PCDHA11: variants seen among roughly 807,000 people sequenced by gnomAD.
The protein encoded by PCDHA11 is protocadherin alpha 11, also known as protocadherin alpha-11.
In PCDHA11, 61 loss-of-function variants were observed where a neutral mutation model predicts 70.3. That is an observed-to-expected ratio of 0.87 (90% CI 0.71 to 1.07). PCDHA11 has a LOEUF of 1.07. PCDHA11 is among the 50% of genes least tolerant of loss of function. PCDHA11 has a pLI of 0.00. For synonymous variants in PCDHA11, 633 were observed against 555.1 expected (o/e 1.14, Z -1.97); for missense variants, 1,324 against 1,237.5 (o/e 1.07, Z -1.05).
intron 1 of PCDHA11, among the ~76,000 whole-genome samples, chr5:140,946,411 A>G (rs1554217552): frequency 1.1e-4 from 16 of 151,766 alleles, no homozygotes. Context: ...ATCATAGAAA[A>G]CAATATGGAG....
Position 140,871,292 on chromosome 5 carries a change from C to G in PCDHA11, c.2189C>G (p.Ala730Gly). The G allele has an allele frequency of 1.2e-6, 2 of 1,613,890 alleles. No individual in the cohort carries two copies. Among genetic ancestry groups the G allele is most frequent in the Non-Finnish European group, 8.5e-7 (1 of 1,179,924 alleles). Residue 730 changes from alanine (A) to glycine (G), a missense_variant, in exon 1 of 4, where the codon GCG becomes GGG. Physicochemically the swap from Ala to Gly is moderately conservative, Grantham distance 60. Coordinates refer to ENST00000398640, the MANE Select transcript of PCDHA11 (RefSeq NM_018902.5). ...TGGTCGGCAACGCCCACTGAGGGCGCGTGCGCGCCGGGGAAGCCCACGCTG... is the reference window on the plus strand; with the variant it reads ...TGGTCGGCAACGCCCACTGAGGGCGGGTGCGCGCCGGGGAAGCCCACGCTG... ...LWWSATPTEG[A>G]CAPGKPTLVC...
At chr5:141,005,650 C>T (rs1262025643) in intron 3 of PCDHA11, among the ~76,000 whole-genome samples, 4 of 126,784 alleles carry the variant, frequency 3.2e-5, no homozygotes, top group African/African-American at 9.3e-5. Context: ...TGCAGTGAGT[C>T]GAGATCGCGC....
chr5:140,990,148 A>T (rs1236453414), intron 3 of PCDHA11, among the ~76,000 whole-genome samples: 1 of 152,146 alleles, frequency 6.6e-6, no homozygotes, highest in African/African-American at 2.4e-5. Flanking sequence ...AGGCATAATA[A>T]TAGAAAGTTA....
intron 3 of PCDHA11, among the ~76,000 whole-genome samples, chr5:141,002,937 C>T (rs2098103358): frequency 6.6e-6 from 1 of 152,232 alleles, no homozygotes; most frequent in Non-Finnish European, 1.5e-5. Context: ...CCAACACCCT[C>T]CAGCACATGC....
At chr5:140,978,909 C>G (rs782321430) in intron 1 of PCDHA11, 40 bp from the exon 2 acceptor site, 2 of 1,613,660 alleles carry the variant, frequency 1.2e-6, no homozygotes, top group South Asian at 2.2e-5. Context: ...AGAACATTGT[C>G]TTGTCATTTT....
chr5:140,929,289 G>C (rs574226775), intron 1 of PCDHA11: 2 of 1,597,364 alleles, frequency 1.3e-6, no homozygotes, highest in African/African-American at 2.7e-5. Flanking sequence ...TTCAGATTCG[G>C]AATAGGAAAG....
intron 1 of PCDHA11, among the ~76,000 whole-genome samples, chr5:140,933,686 C>T (rs186587135): frequency 6.6e-6 from 1 of 151,890 alleles, no homozygotes; most frequent in Non-Finnish European, 1.5e-5. Flanking sequence ...ATTTTTTTTC[C>T]TATTCCTCGG....
rs782258990 is a variant in PCDHA11 at position 140,870,453 on chromosome 5, T to C, written c.1350T>C (p.Asn450=). ...VSVEVADVND[N]APAFAQPEYT... ...TGGAGGTGGCCGACGTGAACGACAATGCGCCTGCGTTCGCACAGCCCGAGT... is the reference window on the plus strand; with the variant it reads ...TGGAGGTGGCCGACGTGAACGACAACGCGCCTGCGTTCGCACAGCCCGAGT... The change falls in exon 1 of 4, where the codon AAT becomes AAC. Residue 450 remains asparagine, a synonymous_variant. Coordinates refer to ENST00000398640, the MANE Select transcript of PCDHA11 (RefSeq NM_018902.5). 10 of 1,614,138 alleles carry C rather than the reference T, an allele frequency of 6.2e-6. No homozygotes were observed. The Admixed American group carries it at 6.7e-5, about 11-fold the overall frequency.
At position 140,969,365 on chromosome 5, in the gene PCDHA11, C is replaced by T. The variant is rs190730712; in HGVS notation, c.2392-9584C>T. The T allele has an allele frequency of 5.3e-5, 86 of 1,610,040 alleles. No homozygotes were observed. The African/African-American group carries it at 9.2e-4, about 17-fold the overall frequency. On this transcript the variant is annotated intron_variant, in intron 1 of 3. Transcript: ENST00000398640. ...GTGGTCAGGGGGTCTTCTACAAACT[C>T]ATGCATTTGTTACACATCCCCCAAT...
intron 1 of PCDHA11, chr5:140,927,419 G>T (rs781883331): frequency 1.9e-6 from 3 of 1,614,140 alleles, no homozygotes; most frequent in South Asian, 2.2e-5. Flanking sequence ...ATGGGATCGC[G>T]GGTTGACGGC....
chr5:140,937,950 T>C (rs1483679576), intron 1 of PCDHA11, among the ~76,000 whole-genome samples: 1 of 152,164 alleles, frequency 6.6e-6, no homozygotes, highest in African/African-American at 2.4e-5. Flanking sequence ...AATTGGCTTT[T>C]GTTGAAAGTA....
At chr5:140,932,247 G>A (rs1463272112) in intron 1 of PCDHA11, among the ~76,000 whole-genome samples, 2 of 151,822 alleles carry the variant, frequency 1.3e-5, no homozygotes, top group Non-Finnish European at 3.0e-5. Context: ...ATCTAAGAGG[G>A]TACCTCTGAG....
At chr5:141,000,412 TATA>T (rs2097919742) in intron 3 of PCDHA11, among the ~76,000 whole-genome samples, 3 of 102,806 alleles carry the variant, frequency 2.9e-5, no homozygotes, top group African/African-American at 7.7e-5. Flanking sequence ...TATATATATA[TATA>T]TATATATTTT....
chr5:140,993,459 TTC>T lies in PCDHA11; in HGVS notation c.2539+10899_2539+10900del, dbSNP rs202191067. Among the ~76,000 whole-genome samples the T allele has an allele frequency of 6.6e-3, 550 of 83,072 alleles. 5 individuals carry two copies. The highest frequency in any genetic ancestry group is 0.016 in the African/African-American group (346 of 21,866). The allele number at this position is 83,072 out of a possible 152,430, so 54.5% of individuals were successfully genotyped here. ...ATTCATTCCTGTTCTCCTTCTTTCTTTCTCACACACACACACACACACACACA... is the reference window on the plus strand; with the variant it reads ...ATTCATTCCTGTTCTCCTTCTTTCTTTCACACACACACACACACACACACA... On this transcript the variant is annotated intron_variant, in intron 3 of 3. Transcript: ENST00000398640.
At chr5:140,976,011 C>A (rs983997714) in intron 1 of PCDHA11, among the ~76,000 whole-genome samples, 10 of 152,230 alleles carry the variant, frequency 6.6e-5, no homozygotes, top group Admixed American at 1.3e-4. Flanking sequence ...TATTAAAGAA[C>A]TAAATAATCA....
intron 1 of PCDHA11, among the ~76,000 whole-genome samples, chr5:140,953,120 C>T (rs2094851215): frequency 6.6e-6 from 1 of 152,154 alleles, no homozygotes; most frequent in South Asian, 2.1e-4. Context: ...GGACACAGAT[C>T]TAAACCGTAT....
intron 1 of PCDHA11, chr5:140,876,095 T>C (rs781801828): frequency 4.3e-6 from 7 of 1,613,928 alleles, no homozygotes; most frequent in Non-Finnish European, 5.9e-6. Context: ...ACGCCAAAAC[T>C]CAATTTATTG....
intron 1 of PCDHA11, chr5:140,877,670 C>A: frequency 6.2e-7 from 1 of 1,613,654 alleles, no homozygotes; most frequent in Non-Finnish European, 8.5e-7. Flanking sequence ...AGCCGGTGCG[C>A]GCCGGGCAAG....
At chr5:140,935,908 T>TG (rs2090628873) in intron 1 of PCDHA11, among the ~76,000 whole-genome samples, 1 of 151,636 alleles carries the variant, frequency 6.6e-6, no homozygotes, top group Non-Finnish European at 1.5e-5. Context: ...TTTTTTTTTT[T>TG]TTGAGACAGA....
Sources: gnomAD v4.1 joint callset for allele counts (sites outside exome capture counted in the v4.1 genomes callset) on GRCh38, gnomAD v4.1.1 for gene constraint, MANE v1.5 for transcripts, NCBI Gene and HGNC (gene_info 2026-07-23, HGNC 2026-07-21) for gene names.